Variants in TPO observed in about 807,000 individuals in gnomAD.
TPO encodes thyroid peroxidase.
A neutral mutation model predicts 96.9 loss-of-function variants in TPO; 78 were observed. The observed-to-expected ratio is 0.81, with a 90% confidence interval of 0.67 to 0.97. The LOEUF is 0.97. Ranked by LOEUF, TPO falls within the 50% of genes least tolerant of loss-of-function variation. The probability of loss-of-function intolerance (pLI) is 0.00; values close to 1 mark genes in which losing one functional copy is unlikely to be tolerated. For missense variants in TPO, 1,252 were observed against 1,274.8 expected, an observed-to-expected ratio of 0.98 and a Z score of 0.27; for synonymous variants, 547 against 538.0, an observed-to-expected ratio of 1.02 and a Z score of -0.23.
intron 1 of TPO, among the ~76,000 whole-genome samples, chr2:1,398,619 T>G (rs1173708719): frequency 2.0e-5 from 3 of 151,938 alleles, no homozygotes; most frequent in African/African-American, 7.3e-5. Context: ...GCAGGGAGGG[T>G]CTGGACAAAA....
At chr2:1,410,651 C>T (rs1022695384), upstream of TPO, among the ~76,000 whole-genome samples, 6 of 152,080 alleles carry the variant, frequency 3.9e-5, no homozygotes, top group South Asian at 2.1e-4. Flanking sequence ...AAAATGGAAG[C>T]GTGCTTGTCT....
chr2:1,476,836 A>G (rs1669980824), intron 7 of TPO, among the ~76,000 whole-genome samples: 1 of 146,678 alleles, frequency 6.8e-6, no homozygotes, highest in Admixed American at 6.7e-5. Flanking sequence ...GCAAGAGACC[A>G]CCGGTGAGCA....
chr2:1,400,133 C>A (rs1367630963), intron 1 of TPO, among the ~76,000 whole-genome samples: 1 of 152,056 alleles, frequency 6.6e-6, no homozygotes, highest in Non-Finnish European at 1.5e-5. Context: ...ATGTTATTAT[C>A]AAAGATAGGG....
At chr2:1,393,458 C>T (rs1321579933) in intron 1 of TPO, among the ~76,000 whole-genome samples, 1 of 152,180 alleles carries the variant, frequency 6.6e-6, no homozygotes, top group African/African-American at 2.4e-5. Flanking sequence ...CCACACAGCA[C>T]CTGGGTGGAA....
At chr2:1,523,122 C>T (rs149149508) in intron 15 of TPO, among the ~76,000 whole-genome samples, 185 of 149,214 alleles carry the variant, frequency 1.2e-3, no homozygotes, top group African/African-American at 4.4e-3. Context: ...TGCAACCTCC[C>T]CAAATCCGCC....
chr2:1,414,858 T>C (rs1662727741), intron 2 of TPO, among the ~76,000 whole-genome samples: 1 of 152,272 alleles, frequency 6.6e-6, no homozygotes, highest in Admixed American at 6.5e-5. Flanking sequence ...TGTGCTACTA[T>C]GTGAAAACAA....
chr2:1,530,032 A>C (rs572183961), intron 15 of TPO, among the ~76,000 whole-genome samples: 2,238 of 66,370 alleles, frequency 0.034, no homozygotes, highest in Middle Eastern at 0.061. Flanking sequence ...TCCCCAAATC[A>C]CCCCCACTCT....
intron 3 of TPO, among the ~76,000 whole-genome samples, chr2:1,427,014 A>G (rs915569180): frequency 2.0e-5 from 3 of 152,146 alleles, no homozygotes; most frequent in Non-Finnish European, 4.4e-5. Context: ...GTCTGAGACC[A>G]CCCTACCCCC....
intron 5 of TPO, among the ~76,000 whole-genome samples, chr2:1,438,577 C>T (rs1665828435): frequency 6.7e-6 from 1 of 148,890 alleles, no homozygotes; most frequent in Non-Finnish European, 1.5e-5. Context: ...CACCCCCCAC[C>T]CACCCCCACC....
rs891953306 is a variant in TPO, at chr2:1,478,374, G to C, written c.1338+770G>C. On this transcript the variant is annotated intron_variant, in intron 8 of 16. Coordinates refer to ENST00000329066, the MANE Select transcript of TPO (RefSeq NM_001206744.2). ...CAGGCCCTGTGGCGGCCTGGGCATC[G>C]TGTCTGCAGTCCTAGCCGGGAGCCT... is the stretch of plus-strand genomic sequence containing the variant. The C allele has an allele frequency of 3.0e-6, 3 of 985,226 alleles. No homozygotes were observed. In the African/African-American group the frequency reaches 5.2e-5, roughly 17 times the overall value. The allele number at this position is 985,226 out of a possible 1,614,324, so 61.0% of individuals were successfully genotyped here.
At chr2:1,528,428 T>G (rs1677137274) in intron 15 of TPO, among the ~76,000 whole-genome samples, 1 of 92,186 alleles carries the variant, frequency 1.1e-5, no homozygotes, top group African/African-American at 4.6e-5. Flanking sequence ...TGCAACCTGC[T>G]CAAATCCCCC....
chr2:1,520,252 TG>T (rs1434650138), intron 15 of TPO, among the ~76,000 whole-genome samples: 2 of 152,206 alleles, frequency 1.3e-5, no homozygotes, highest in African/African-American at 2.4e-5. Context: ...TCCCAGCAAA[TG>T]GGCTCAACAC....
chr2:1,502,425 T>C (rs2007268), intron 13 of TPO, among the ~76,000 whole-genome samples: 44,656 of 152,138 alleles, frequency 0.29, 6,678 homozygotes, highest in Admixed American at 0.34. Flanking sequence ...AGTCTCACTC[T>C]GTCACCCAGG....
intron 14 of TPO, chr2:1,512,491 T>C (rs1486856460): frequency 1.0e-6 from 1 of 985,338 alleles, no homozygotes; most frequent in Non-Finnish European, 1.2e-6. Flanking sequence ...CTTCTGGTTC[T>C]GTGTGATGGA....
chr2:1,433,619 C>G lies in TPO; in HGVS notation c.349+12C>G, dbSNP rs1233863363. 37 of 1,612,712 alleles carry G rather than the reference C, an allele frequency of 2.3e-5. No individual in the cohort carries two copies. The highest frequency in any genetic ancestry group is 3.1e-5 in the Non-Finnish European group (36 of 1,179,226). On this transcript the variant is annotated intron_variant, in intron 4 of 16. Coordinates refer to ENST00000329066, the MANE Select transcript of TPO (RefSeq NM_001206744.2). ...ACAGCATCCAACGGGTAATGTGTGCCCCTCTCCCCACTGAGGAGCGGCAAC... is the reference window on the plus strand; with the variant it reads ...ACAGCATCCAACGGGTAATGTGTGCGCCTCTCCCCACTGAGGAGCGGCAAC...
Position 1,543,397 on chromosome 2 carries a change from G to A in TPO, c.*923G>A, listed in dbSNP as rs1012248249. On this transcript the variant is annotated 3_prime_UTR_variant, in exon 17 of 17. Coordinates refer to ENST00000329066, the MANE Select transcript of TPO (RefSeq NM_001206744.2). ...GAGAAGAGAGTGGTAACTAATTCAT[G>A]GATAAAACAGACCATCGAGGCAGCA... 6.6e-6 allele frequency: 1 copy of A among 152,146 alleles called. No homozygotes were observed. The highest frequency in any genetic ancestry group is 1.5e-5 in the Non-Finnish European group (1 of 68,054). The allele number at this position is 152,146 out of a possible 1,614,324, so 9.4% of individuals were successfully genotyped here. A position where few individuals can be genotyped will look rare whatever the true frequency, so the allele number is the denominator to read the frequency against.
At chr2:1,536,124 C>T (rs1336620339) in intron 15 of TPO, among the ~76,000 whole-genome samples, 3 of 43,804 alleles carry the variant, frequency 6.8e-5, no homozygotes, top group African/African-American at 1.7e-4. Flanking sequence ...TGTGCAACCT[C>T]CCCAAATCCC....
intron 1 of TPO, among the ~76,000 whole-genome samples, chr2:1,392,219 G>T (rs1222667137): frequency 6.6e-6 from 1 of 152,178 alleles, no homozygotes; most frequent in Non-Finnish European, 1.5e-5. Context: ...AGGAAAGGCT[G>T]CTGAATTTCA....
At chr2:1,495,923 T>C (rs1672284765) in intron 11 of TPO, 66 bp from the exon 12 acceptor site, 4 of 1,540,946 alleles carry the variant, frequency 2.6e-6, no homozygotes, top group Non-Finnish European at 3.5e-6. Flanking sequence ...GGGCAGCTGG[T>C]CTTGAGTGCC....
Sources: gnomAD v4.1 joint callset for allele counts (sites outside exome capture counted in the v4.1 genomes callset) on GRCh38, gnomAD v4.1.1 for gene constraint, MANE v1.5 for transcripts, NCBI Gene and HGNC (gene_info 2026-07-23, HGNC 2026-07-21) for gene names.